The following B3GAT2 variants were observed in gnomAD, a reference collection of about 807,000 sequenced individuals.
The protein encoded by B3GAT2 is galactosylgalactosylxylosylprotein 3-beta-glucuronosyltransferase 2.
A neutral mutation model predicts 27.8 loss-of-function variants in B3GAT2; 26 were observed. The ratio of observed to expected loss-of-function variants is 0.93; its 90% CI spans 0.68 to 1.30. The LOEUF is 1.30. Among genes scored for constraint, B3GAT2 ranks in the 50% most tolerant of loss-of-function variants. The probability of loss-of-function intolerance (pLI) is 0.00; values close to 1 mark genes in which losing one functional copy is unlikely to be tolerated. For missense variants in B3GAT2, 458 were observed against 459.0 expected, an observed-to-expected ratio of 1.00 and a Z score of 0.02; for synonymous variants, 218 against 195.1, an observed-to-expected ratio of 1.12 and a Z score of -0.98.
intron 1 of B3GAT2, among the ~76,000 whole-genome samples, chr6:70,914,949 T>C (rs1039727166): frequency 1.3e-5 from 2 of 152,206 alleles, no homozygotes; most frequent in African/African-American, 4.8e-5. Flanking sequence ...TCAAATGGTA[T>C]TTATAGTTGT....
At chr6:70,954,919 G>GGT (rs1554218605) in intron 1 of B3GAT2, among the ~76,000 whole-genome samples, 1 of 151,648 alleles carries the variant, frequency 6.6e-6, no homozygotes, top group Non-Finnish European at 1.5e-5. Context: ...GGGCGGCGGG[G>GGT]GGGGGCGGTG....
chr6:70,936,644 T>A (rs1387533023), intron 1 of B3GAT2, among the ~76,000 whole-genome samples: 1 of 152,068 alleles, frequency 6.6e-6, no homozygotes, highest in Admixed American at 6.6e-5. Flanking sequence ...AACCTGCTCC[T>A]GAATGACTAC....
intron 1 of B3GAT2, among the ~76,000 whole-genome samples, chr6:70,940,913 C>T (rs1765382445): frequency 6.6e-6 from 1 of 152,136 alleles, no homozygotes; most frequent in African/African-American, 2.4e-5. Context: ...TGTAAGTCAA[C>T]TTCCTAGCTT....
At chr6:70,880,075 G>A (rs1181278058) in intron 2 of B3GAT2, among the ~76,000 whole-genome samples, 1 of 151,314 alleles carries the variant, frequency 6.6e-6, no homozygotes, top group Non-Finnish European at 1.5e-5. Flanking sequence ...AAGAGATGAC[G>A]GGGCGTGGGG....
intron 2 of B3GAT2, among the ~76,000 whole-genome samples, chr6:70,875,709 C>A (rs184799569): frequency 2.0e-5 from 3 of 152,278 alleles, no homozygotes; most frequent in Admixed American, 2.0e-4. Context: ...TGACTACTGA[C>A]TGAAACTTTA....
At chr6:70,888,246 T>C (rs1772223495) in intron 2 of B3GAT2, among the ~76,000 whole-genome samples, 1 of 151,748 alleles carries the variant, frequency 6.6e-6, no homozygotes, top group Non-Finnish European at 1.5e-5. Flanking sequence ...TTTCCTAATA[T>C]GCAGACTCCT....
chr6:70,920,943 C>A (rs1772858239), intron 1 of B3GAT2, among the ~76,000 whole-genome samples: 1 of 152,110 alleles, frequency 6.6e-6, no homozygotes, highest in Non-Finnish European at 1.5e-5. Context: ...TTTTGCTGAA[C>A]ATAGGTCTCC....
chr6:70,921,781 C>A (rs1187978542), intron 1 of B3GAT2, among the ~76,000 whole-genome samples: 2 of 151,996 alleles, frequency 1.3e-5, no homozygotes, highest in African/African-American at 4.8e-5. Context: ...CTTTTATATT[C>A]TTTGATATTC....
chr6:70,916,791 G>A (rs771194507), intron 1 of B3GAT2, among the ~76,000 whole-genome samples: 5 of 152,014 alleles, frequency 3.3e-5, no homozygotes, highest in South Asian at 2.1e-4. Flanking sequence ...TGCTGGATTC[G>A]GTTTGCCAGT....
intron 2 of B3GAT2, among the ~76,000 whole-genome samples, chr6:70,890,983 G>A (rs913260570): frequency 6.6e-6 from 1 of 152,212 alleles, no homozygotes; most frequent in African/African-American, 2.4e-5. Context: ...CCTGGTGAGG[G>A]TGAAGATTGA....
intron 2 of B3GAT2, among the ~76,000 whole-genome samples, chr6:70,877,677 G>A (rs538551508): frequency 4.6e-5 from 7 of 152,284 alleles, no homozygotes; most frequent in African/African-American, 1.4e-4. Flanking sequence ...ATGTGGTGGC[G>A]GCGGGGGTGG....
chr6:70,876,352 CAG>C (rs1050158988), intron 2 of B3GAT2, among the ~76,000 whole-genome samples: 8 of 152,290 alleles, frequency 5.3e-5, no homozygotes, highest in Admixed American at 3.9e-4. Context: ...TGGAAATCTT[CAG>C]AGTTTCCTAA....
At chr6:70,903,945 CA>C (rs1772553294) in intron 1 of B3GAT2, among the ~76,000 whole-genome samples, 1 of 152,126 alleles carries the variant, frequency 6.6e-6, no homozygotes, top group South Asian at 2.1e-4. Flanking sequence ...AATGTTCAAA[CA>C]GTTTCACTCA....
At chr6:70,865,922 C>A (rs1415747166) in intron 2 of B3GAT2, among the ~76,000 whole-genome samples, 4 of 152,158 alleles carry the variant, frequency 2.6e-5, no homozygotes, top group Admixed American at 2.6e-4. Context: ...TCAGGCTACA[C>A]CACAGGGAGG....
intron 2 of B3GAT2, among the ~76,000 whole-genome samples, chr6:70,888,502 T>G (rs895130371): frequency 6.6e-6 from 1 of 152,098 alleles, no homozygotes; most frequent in African/African-American, 2.4e-5. Context: ...AAGTCCCCAA[T>G]AGCTGTGGTA....
intron 1 of B3GAT2, among the ~76,000 whole-genome samples, chr6:70,925,911 C>T (rs748274487): frequency 4.6e-5 from 7 of 152,290 alleles, no homozygotes; most frequent in South Asian, 2.1e-4. Flanking sequence ...CCGACTGACA[C>T]GTCATACAGC....
chr6:70,859,329 A>G lies in B3GAT2; in HGVS notation c.*2334T>C, dbSNP rs745730819. The stretch of plus-strand genomic sequence containing the variant: ...AGTTAATACTGGCTCTTACTTCCAG[A>G]TAATGCAGAAGGGTGATGCTGTTCT... On this transcript the variant is annotated 3_prime_UTR_variant, in exon 4 of 4. Coordinates refer to ENST00000230053, the MANE Select transcript of B3GAT2 (RefSeq NM_080742.3). 1 of 1,546,832 alleles carries G rather than the reference A, an allele frequency of 6.5e-7. No homozygotes were observed.
Position 70,860,902 on chromosome 6 carries a change from T to C in B3GAT2, c.*761A>G. On this transcript the variant is annotated 3_prime_UTR_variant, in exon 4 of 4. Coordinates refer to ENST00000230053, the MANE Select transcript of B3GAT2 (RefSeq NM_080742.3). Reference sequence around the variant, plus strand: ...AAAGGAAGATAAACGTGGATGTTACTCCAAAACTTCGTTTAATGAATGCTT... The same window carrying C: ...AAAGGAAGATAAACGTGGATGTTACCCCAAAACTTCGTTTAATGAATGCTT... The C allele has an allele frequency of 5.1e-6, 2 of 388,406 alleles. No homozygotes were observed. Among genetic ancestry groups the C allele is most frequent in the Non-Finnish European group, 9.1e-6 (2 of 219,628 alleles). 24.1% of individuals were successfully genotyped at this position (388,406 alleles called of 1,614,324 possible).
chr6:70,879,490 T>TTCATTCATTCATTCAC (rs1233231469), intron 2 of B3GAT2, among the ~76,000 whole-genome samples: 1 of 152,216 alleles, frequency 6.6e-6, no homozygotes, highest in Non-Finnish European at 1.5e-5. Context: ...GATTCATTCA[T>TTCATTCATTCATTCAC]TCATTCATTC....
Sources: gnomAD v4.1 joint callset for allele counts (sites outside exome capture counted in the v4.1 genomes callset) on GRCh38, gnomAD v4.1.1 for gene constraint, MANE v1.5 for transcripts, NCBI Gene and HGNC (gene_info 2026-07-23, HGNC 2026-07-21) for gene names.